MB21D2: variants seen among roughly 807,000 people sequenced by gnomAD.
The protein encoded by MB21D2 is nucleotidyltransferase MB21D2.
MB21D2 carries 9 observed loss-of-function variants against 33.3 expected under a neutral mutation model. The observed-to-expected ratio is 0.27, with a 90% CI of 0.16 to 0.47. The LOEUF is 0.47. Among genes scored for constraint, MB21D2 ranks in the 20% least tolerant of loss-of-function variants. The probability of loss-of-function intolerance (pLI) is 0.99; values close to 1 mark genes in which losing one functional copy is unlikely to be tolerated. For synonymous variants in MB21D2, 241 were observed against 236.3 expected, an observed-to-expected ratio of 1.02 and a Z score of -0.18; for missense variants, 540 against 624.6, an observed-to-expected ratio of 0.86 and a Z score of 1.44.
At chr3:192,913,313 C>T (rs1342392616) in intron 1 of MB21D2, among the ~76,000 whole-genome samples, 1 of 152,124 alleles carries the variant, frequency 6.6e-6, no homozygotes, top group Non-Finnish European at 1.5e-5. Context: ...GGGAGGATCA[C>T]TTGGAGCCCA....
At chr3:192,883,493 G>A (rs35672802) in intron 1 of MB21D2, among the ~76,000 whole-genome samples, 64,800 of 151,884 alleles carry the variant, frequency 0.43, 15,013 homozygotes, top group East Asian at 0.6. Flanking sequence ...TGGCTGAAGC[G>A]TAGGGAATTT....
chr3:192,800,442 T>C (rs1711537878), intron 1 of MB21D2, among the ~76,000 whole-genome samples: 1 of 152,180 alleles, frequency 6.6e-6, no homozygotes, highest in Non-Finnish European at 1.5e-5. Context: ...GAGGATAATA[T>C]TGCCAGTGCC....
intron 1 of MB21D2, among the ~76,000 whole-genome samples, chr3:192,806,065 C>CGT (rs1460558188): frequency 1.3e-5 from 2 of 152,234 alleles, no homozygotes; most frequent in Non-Finnish European, 2.9e-5. Context: ...TGAATGCCAT[C>CGT]GTGTGGCACG....
chr3:192,907,163 G>C (rs1157550426), intron 1 of MB21D2, among the ~76,000 whole-genome samples: 3 of 110,890 alleles, frequency 2.7e-5, no homozygotes, highest in Non-Finnish European at 4.5e-5. Flanking sequence ...ATTATGAACA[G>C]TTCTTAAAAG....
chr3:192,839,704 G>A (rs1488142642), intron 1 of MB21D2, among the ~76,000 whole-genome samples: 5 of 152,170 alleles, frequency 3.3e-5, no homozygotes, highest in African/African-American at 1.2e-4. Flanking sequence ...TCATCAGAAT[G>A]GGAGCTTTCC....
At chr3:192,834,064 C>T (rs1467916943) in intron 1 of MB21D2, among the ~76,000 whole-genome samples, 1 of 152,180 alleles carries the variant, frequency 6.6e-6, no homozygotes, top group African/African-American at 2.4e-5. Flanking sequence ...AATCACACTG[C>T]AGGTACATGG....
intron 1 of MB21D2, among the ~76,000 whole-genome samples, chr3:192,885,606 T>C (rs1713715021): frequency 6.6e-6 from 1 of 152,032 alleles, no homozygotes; most frequent in Non-Finnish European, 1.5e-5. Flanking sequence ...TCAATCATCT[T>C]TAAAACCACC....
chr3:192,900,104 G>A (rs1714060673), intron 1 of MB21D2, among the ~76,000 whole-genome samples: 1 of 151,962 alleles, frequency 6.6e-6, no homozygotes, highest in Admixed American at 6.6e-5. Context: ...CTAACACAGT[G>A]AAACCCCGTC....
At chr3:192,872,021 C>A (rs1337337601) in intron 1 of MB21D2, among the ~76,000 whole-genome samples, 2 of 152,172 alleles carry the variant, frequency 1.3e-5, no homozygotes, top group African/African-American at 4.8e-5. Flanking sequence ...ACATTTCACT[C>A]ATTTTCTTTT....
chr3:192,911,855 A>G (rs998499814), intron 1 of MB21D2, among the ~76,000 whole-genome samples: 1 of 152,216 alleles, frequency 6.6e-6, no homozygotes, highest in Non-Finnish European at 1.5e-5. Context: ...TCAGAGATAG[A>G]ACAAACTTCC....
At chr3:192,887,159 TTTTAA>T (rs1713750296) in intron 1 of MB21D2, among the ~76,000 whole-genome samples, 1 of 152,070 alleles carries the variant, frequency 6.6e-6, no homozygotes, top group Admixed American at 6.5e-5. Flanking sequence ...GAACTTTACT[TTTTAA>T]GAGACAAAGT....
chr3:192,802,067 T>C (rs1711574989), intron 1 of MB21D2, among the ~76,000 whole-genome samples: 1 of 152,190 alleles, frequency 6.6e-6, no homozygotes, highest in South Asian at 2.1e-4. Context: ...CCCTCTTCAA[T>C]AAAGGACTTC....
intron 1 of MB21D2, among the ~76,000 whole-genome samples, chr3:192,873,728 G>A (rs900372923): frequency 2.0e-5 from 3 of 152,094 alleles, no homozygotes; most frequent in Non-Finnish European, 4.4e-5. Context: ...TTTTGAGTCA[G>A]AATCTCGCTC....
intron 1 of MB21D2, among the ~76,000 whole-genome samples, chr3:192,842,569 T>C (rs1476909614): frequency 6.6e-6 from 1 of 152,132 alleles, no homozygotes; most frequent in African/African-American, 2.4e-5. Flanking sequence ...CTATCTTTAA[T>C]AAAATGAAGC....
intron 1 of MB21D2, among the ~76,000 whole-genome samples, chr3:192,805,734 A>G (rs1296120015): frequency 6.6e-6 from 1 of 152,174 alleles, no homozygotes; most frequent in East Asian, 1.9e-4. Flanking sequence ...CTATTAAAAA[A>G]CAAACAAATT....
chr3:192,830,493 TA>T (rs1400513158), intron 1 of MB21D2, among the ~76,000 whole-genome samples: 1 of 152,148 alleles, frequency 6.6e-6, no homozygotes, highest in Non-Finnish European at 1.5e-5. Context: ...TCTGCCTACC[TA>T]ATAATGCATG....
At chr3:192,843,756 C>G (rs532641843) in intron 1 of MB21D2, among the ~76,000 whole-genome samples, 1 of 152,224 alleles carries the variant, frequency 6.6e-6, no homozygotes, top group South Asian at 2.1e-4. Flanking sequence ...TTCCTGGAGG[C>G]CTGTTTACCC....
rs73198798 is a variant in MB21D2, at chr3:192,911,524, C to T, written c.211+6106G>A. Among the ~76,000 whole-genome samples, 1,094 of 152,282 alleles carry T rather than the reference C, an allele frequency of 7.2e-3. 6 individuals are homozygous for T. Among genetic ancestry groups the T allele is most frequent in the Non-Finnish European group, 0.011 (761 of 68,024 alleles). On this transcript the variant is annotated intron_variant, in intron 1 of 1. Transcript: ENST00000392452. Reference sequence around the variant, plus strand: ...AGCCTAACACAGGACAGGATGTTGACATGCTGAGCAGCTTGTTGGGGGATC... The same window carrying T: ...AGCCTAACACAGGACAGGATGTTGATATGCTGAGCAGCTTGTTGGGGGATC...
chr3:192,803,563 T>C (rs1391835723), intron 1 of MB21D2, among the ~76,000 whole-genome samples: 2 of 152,158 alleles, frequency 1.3e-5, no homozygotes, highest in Non-Finnish European at 2.9e-5. Flanking sequence ...ACTCGAGCCT[T>C]CCCCAGCGTT....
Sources: gnomAD v4.1 joint callset for allele counts (sites outside exome capture counted in the v4.1 genomes callset) on GRCh38, gnomAD v4.1.1 for gene constraint, MANE v1.5 for transcripts, NCBI Gene and HGNC (gene_info 2026-07-23, HGNC 2026-07-21) for gene names.